SNX19: variants seen among roughly 807,000 people sequenced by gnomAD.
SNX19 encodes the protein sorting nexin 19, also known as sorting nexin-19.
SNX19 carries 60 observed loss-of-function variants against 85.2 expected under a neutral mutation model. The observed-to-expected ratio is 0.70, with a 90% confidence interval of 0.57 to 0.87. The LOEUF is 0.87. Ranked by LOEUF, SNX19 falls within the 40% of genes least tolerant of loss-of-function variation. The probability of loss-of-function intolerance (pLI) is 0.00; values close to 1 mark genes in which losing one functional copy is unlikely to be tolerated. For synonymous variants in SNX19, 520 were observed against 470.0 expected (o/e 1.11, Z -1.38); for missense variants, 1,201 against 1,217.8 (o/e 0.99, Z 0.21).
chr11:130,911,596 A>G lies in SNX19; in HGVS notation c.1813+37T>C, dbSNP rs757632148. The G allele has an allele frequency of 6.1e-5, 98 of 1,612,586 alleles. No homozygotes were observed. The Admixed American group carries it at 1.6e-3, about 26-fold the overall frequency. Reference sequence around the variant, plus strand: ...GCCAATCAGCGTGGCTCGACGTGGGAAGCAAGCGGGCAGTAGGGGTTGGGG... The same window carrying G: ...GCCAATCAGCGTGGCTCGACGTGGGGAGCAAGCGGGCAGTAGGGGTTGGGG... On this transcript the variant is annotated intron_variant, in intron 2 of 10. Coordinates refer to ENST00000265909, the MANE Select transcript of SNX19 (RefSeq NM_014758.3).
At position 130,905,956 on chromosome 11, in the gene SNX19, G is replaced by A; in HGVS notation, c.2440C>T (p.Pro814Ser). ...VPAQDPSNSD[P>S]GTETELADTA... ...GAGCAGAGACCTCGCCACTCACCTGGATCGCTGTTGCTGGGGTCTTGGGCT... is the reference window on the plus strand; with the variant it reads ...GAGCAGAGACCTCGCCACTCACCTGAATCGCTGTTGCTGGGGTCTTGGGCT... Residue 814 changes from proline (P) to serine (S), a missense_variant, in exon 7 of 11, where the codon CCA (proline) becomes TCA (serine). Pro to Ser is a moderately conservative substitution (Grantham distance 74). Around this residue, in one of 3 missense-constraint regions of SNX19, gnomAD observed 285 missense variants for 295.3 expected, o/e 0.97. Coordinates refer to ENST00000265909, the MANE Select transcript of SNX19 (RefSeq NM_014758.3). 1 of 1,614,166 alleles carries A rather than the reference G, an allele frequency of 6.2e-7. No individual in the cohort carries two copies. Among genetic ancestry groups the A allele is most frequent in the Non-Finnish European group, 8.5e-7 (1 of 1,180,040 alleles).
At chr11:130,913,902 A>G (rs1167476130) in intron 1 of SNX19, among the ~76,000 whole-genome samples, 1 of 108,980 alleles carries the variant, frequency 9.2e-6, no homozygotes, top group African/African-American at 4.1e-5. Flanking sequence ...TTGAAAATAA[A>G]TAAAATACAG....
At chr11:130,910,215 G>A (rs1945993313) in intron 3 of SNX19, 55 bp downstream of exon 3, 11 of 1,611,956 alleles carry the variant, frequency 6.8e-6, no homozygotes, top group South Asian at 6.6e-5. Flanking sequence ...TGGGTGTTCT[G>A]GGGTTAGACA....
At position 130,911,769 on chromosome 11, in the gene SNX19, G is replaced by C; in HGVS notation, c.1677C>G (p.Tyr559Ter). Residue 559 changes from tyrosine to a stop codon, truncating the protein, a stop_gained and splice_region_variant, in exon 2 of 11, where the codon TAC (tyrosine) becomes TAG (stop). Transcript: ENST00000265909. LOFTEE classifies it high-confidence loss of function. ...TGTTTTCACCGTCAAGGGCTGTCTC[G>C]TACTGTTCAACGAACAAATTGATTG... ...FHPYTLYTVKYETALDGENSS... is the reference protein window; with the variant it reads ...FHPYTLYTVK The C allele has an allele frequency of 6.2e-7, 1 of 1,613,864 alleles. No homozygotes were observed. The highest frequency in any genetic ancestry group is 1.1e-5 in the South Asian group (1 of 91,072).
rs1943326504 is a variant in SNX19 at position 130,877,456 on chromosome 11, G to C, written c.*966C>G. 6.6e-6 allele frequency: 1 copy of C among 152,178 alleles called. No homozygotes were observed. The highest frequency in any genetic ancestry group is 1.5e-5 in the Non-Finnish European group (1 of 68,036). The allele number at this position is 152,178 out of a possible 1,614,324, so 9.4% of individuals were successfully genotyped here. A position where few individuals can be genotyped will look rare whatever the true frequency, so the allele number is the denominator to read the frequency against. On this transcript the variant is annotated 3_prime_UTR_variant, in exon 11 of 11. Coordinates refer to ENST00000265909, the MANE Select transcript of SNX19 (RefSeq NM_014758.3). ...CTGTTCAGAATAATAAAAGTTCTCT[G>C]TCAAAGACTTAGGAAGGGAGATTTC...
intron 8 of SNX19, among the ~76,000 whole-genome samples, chr11:130,882,909 T>C (rs953553905): frequency 2.6e-5 from 4 of 152,224 alleles, no homozygotes; most frequent in African/African-American, 9.6e-5. Flanking sequence ...TTTAGCCACA[T>C]GATCCTTCCT....
Position 130,914,635 on chromosome 11 carries a change from G to A in SNX19, c.1305C>T (p.Gly435=). The A allele has an allele frequency of 6.2e-7, 1 of 1,613,906 alleles. No homozygotes were observed. The highest frequency in any genetic ancestry group is 8.5e-7 in the Non-Finnish European group (1 of 1,179,856). ...AGGAATTCAGTGTGGAGACCGGCAG[G>A]CCTGTCTCTGTTTCTGTCCCTGGAC... The part of the protein sequence containing the change: ...EEGPGTETET[G]LPVSTLNSCP... Residue 435 remains glycine, a synonymous_variant, in exon 1 of 11, where the codon GGC becomes GGT. Coordinates refer to ENST00000265909, the MANE Select transcript of SNX19 (RefSeq NM_014758.3).
At position 130,874,760 on chromosome 11, in the gene SNX19, A is replaced by T. The variant is rs185267282; in HGVS notation, c.*3662T>A. 6.5e-4 allele frequency among the ~76,000 whole-genome samples: 99 copies of T among 152,330 alleles called. No homozygotes were observed. Among genetic ancestry groups the T allele is most frequent in the African/African-American group, 2.2e-3 (92 of 41,568 alleles). On this transcript the variant is annotated 3_prime_UTR_variant, in exon 11 of 11. Coordinates refer to ENST00000265909, the MANE Select transcript of SNX19 (RefSeq NM_014758.3). ...GCTGGAAATGAATAACCTGGGTAGG[A>T]CACAGGAAGACTCAAAAATGTTCTA...
Position 130,898,442 on chromosome 11 carries a change from C to T in SNX19, c.2573+4813G>A, listed in dbSNP as rs536800019. Among the ~76,000 whole-genome samples the T allele has an allele frequency of 3.9e-5, 6 of 152,312 alleles. No individual in the cohort carries two copies. The East Asian group carries it at 1.2e-3, about 29-fold the overall frequency. ...GTGGCAGTACCACGTGTGGCACCAA[C>T]ACCAACTATCCTGCTCTTTTAAGCA... On this transcript the variant is annotated intron_variant, in intron 8 of 10. Coordinates refer to ENST00000265909, the MANE Select transcript of SNX19 (RefSeq NM_014758.3).
In SNX19 at chr11:130,914,855, C is replaced by T. The variant is rs750218534; in HGVS notation, c.1085G>A (p.Arg362Gln). Residue 362 changes from arginine to glutamine, a missense_variant, in exon 1 of 11, where the codon CGA becomes CAA. By Grantham distance (43) the Arg-to-Gln change is conservative (BLOSUM62 1). Around this residue, in one of 3 missense-constraint regions of SNX19, gnomAD observed 791 missense variants for 750.9 expected, o/e 1.05. Transcript: ENST00000265909. ...GTCTTCACATAAGAACAGGGGACCT[C>T]GAACATTTGGCTGTAGGAAATGAGA... ...NSSHFLQPNV[R>Q]GPLFLCEDSE... is the part of the protein sequence containing the mutation. 6.4e-5 allele frequency: 104 copies of T among 1,614,128 alleles called. No individual in the cohort carries two copies. Among genetic ancestry groups the T allele is most frequent in the Non-Finnish European group, 7.6e-5 (90 of 1,180,010 alleles).
At chr11:130,909,886 T>A (rs1945958844) in intron 4 of SNX19, 132 bp downstream of exon 4, 2 of 1,180,044 alleles carry the variant, frequency 1.7e-6, no homozygotes, top group East Asian at 4.7e-5. Flanking sequence ...TAAGTCCATG[T>A]TCTATTGACG....
In SNX19 at chr11:130,891,846, C is replaced by CT. The variant is rs10649582; in HGVS notation, c.2574-11041dup. On this transcript the variant is annotated intron_variant, in intron 8 of 10. Transcript: ENST00000265909. The stretch of plus-strand genomic sequence containing the variant: ...TAAGATTTCATTCTGAAAGTTTTTT[C>CT]TTTTTTTTTTTTTTGAGACAGTCTC... 2.5e-3 allele frequency among the ~76,000 whole-genome samples: 355 copies of CT among 140,382 alleles called. 10 individuals carry two copies. The highest frequency in any genetic ancestry group is 7.6e-3 in the Middle Eastern group (2 of 264). The allele number at this position is 140,382 out of a possible 152,430, so 92.1% of individuals were successfully genotyped here.
In SNX19 at chr11:130,872,260, G is replaced by T. The variant is rs10894273; in HGVS notation, c.*6162C>A. On this transcript the variant is annotated 3_prime_UTR_variant, in exon 11 of 11. Coordinates refer to ENST00000265909, the MANE Select transcript of SNX19 (RefSeq NM_014758.3). The stretch of plus-strand genomic sequence containing the variant: ...GACCAGAGACAGGTGAGGATGACAG[G>T]GAGGCAGTGCAAAGGCTCCGCAAGT... 0.44 allele frequency among the ~76,000 whole-genome samples: 66,438 copies of T among 151,896 alleles called. 14,815 individuals carry two copies. The highest frequency in any genetic ancestry group is 0.56 in the South Asian group (2,699 of 4,812).
Position 130,915,296 on chromosome 11 carries a change from A to G in SNX19, c.644T>C (p.Val215Ala), listed in dbSNP as rs1389889709. Reference protein sequence around the residue: ...PSAEVTYTRGVVNLLLQGLVP... With the variant: ...PSAEVTYTRGAVNLLLQGLVP... ...CAGCCCTTGAAGCAACAAATTCACA[A>G]CGCCACGCGTATAGGTGACTTCAGC... Residue 215 changes from valine (V) to alanine (A), a missense_variant, in exon 1 of 11, where the codon GTT becomes GCT. Coordinates refer to ENST00000265909, the MANE Select transcript of SNX19 (RefSeq NM_014758.3). The G allele has an allele frequency of 1.2e-6, 2 of 1,614,178 alleles. No individual in the cohort carries two copies. Among genetic ancestry groups the G allele is most frequent in the East Asian group, 4.5e-5 (2 of 44,880 alleles).
At position 130,868,136 on chromosome 11, in the gene SNX19, C is replaced by T. The variant is rs546227268; in HGVS notation, c.*10286G>A. The stretch of plus-strand genomic sequence containing the variant: ...AGATAGTAAGAATCACCTGTTTTCT[C>T]GTGGTAAGAAGGTGCTTCCAGAAGG... On this transcript the variant is annotated 3_prime_UTR_variant, in exon 11 of 11. Coordinates refer to ENST00000265909, the MANE Select transcript of SNX19 (RefSeq NM_014758.3). 3.5e-4 allele frequency: 54 copies of T among 152,310 alleles called. No homozygotes were observed. The highest frequency in any genetic ancestry group is 1.1e-3 in the African/African-American group (47 of 41,562). The allele number at this position is 152,310 out of a possible 1,614,324, so 9.4% of individuals were successfully genotyped here.
At position 130,871,445 on chromosome 11, in the gene SNX19, A is replaced by G. The variant is rs1479715760; in HGVS notation, c.*6977T>C. Among the ~76,000 whole-genome samples, 7 of 152,234 alleles carry G rather than the reference A, an allele frequency of 4.6e-5. No individual in the cohort carries two copies. Among genetic ancestry groups the G allele is most frequent in the South Asian group, 4.1e-4 (2 of 4,834 alleles). On this transcript the variant is annotated 3_prime_UTR_variant, in exon 11 of 11. Coordinates refer to ENST00000265909, the MANE Select transcript of SNX19 (RefSeq NM_014758.3). ...AGGATGTGTAAAGGAGGTAAACTCCAAAAGTGTTTTTCCTCCCTTAATAAG... is the reference window on the plus strand; with the variant it reads ...AGGATGTGTAAAGGAGGTAAACTCCGAAAGTGTTTTTCCTCCCTTAATAAG...
In SNX19 at chr11:130,874,308, C is replaced by T. The variant is rs147428480; in HGVS notation, c.*4114G>A. 2.0e-5 allele frequency among the ~76,000 whole-genome samples: 3 copies of T among 152,286 alleles called. No homozygotes were observed. Among genetic ancestry groups the T allele is most frequent in the African/African-American group, 7.2e-5 (3 of 41,560 alleles). ...AAGTGTTGAGATTATAGGTGTGAGC[C>T]GCTGTGCCCGGCCTAGAAGAGGATT... On this transcript the variant is annotated 3_prime_UTR_variant, in exon 11 of 11. Coordinates refer to ENST00000265909, the MANE Select transcript of SNX19 (RefSeq NM_014758.3).
intron 8 of SNX19, among the ~76,000 whole-genome samples, chr11:130,901,533 C>A (rs1201592695): frequency 6.6e-6 from 1 of 152,058 alleles, no homozygotes; most frequent in African/African-American, 2.4e-5. Context: ...AAGGCAGATA[C>A]AGGAAGATGA....
At chr11:130,910,198 C>T (rs577532999) in intron 3 of SNX19, 61 bp from the exon 4 acceptor site, 4 of 1,613,462 alleles carry the variant, frequency 2.5e-6, no homozygotes, top group Non-Finnish European at 2.5e-6. Flanking sequence ...ATCTCTCCAC[C>T]TTGGCTTGGG....
Sources: allele counts gnomAD v4.1 joint callset (sites outside exome capture counted in the v4.1 genomes callset), GRCh38; gene constraint gnomAD v4.1.1; regional missense constraint gnomAD v4.1.1; transcripts MANE v1.5; gene names NCBI Gene and HGNC (gene_info 2026-07-23, HGNC 2026-07-21).